Variants in DAB1 observed in about 807,000 individuals in gnomAD.
DAB1 encodes disabled homolog 1.
DAB1 carries 15 observed loss-of-function variants against 64.6 expected under a neutral mutation model. That is an observed-to-expected ratio of 0.23 (90% CI 0.16 to 0.36). The LOEUF (loss-of-function observed/expected upper bound fraction) is 0.36, where lower values mean the gene tolerates loss of function less well. Ranked by LOEUF, DAB1 falls within the 10% of genes least tolerant of loss-of-function variation. The pLI, the probability that DAB1 is intolerant of heterozygous loss-of-function variation, is 1.00. For missense variants in DAB1, 596 were observed against 706.7 expected, an observed-to-expected ratio of 0.84 and a Z score of 1.78; for synonymous variants, 235 against 251.9, an observed-to-expected ratio of 0.93 and a Z score of 0.64.
chr1:57,113,010 G>A (rs1655802170), intron 4 of DAB1, among the ~76,000 whole-genome samples: 1 of 152,154 alleles, frequency 6.6e-6, no homozygotes, highest in Admixed American at 6.5e-5. Context: ...CAGGCAAGAG[G>A]AACATACCAC....
chr1:58,351,344 C>T (rs919497895), intron 3 of DAB1, among the ~76,000 whole-genome samples: 15 of 151,996 alleles, frequency 9.9e-5, no homozygotes, highest in East Asian at 5.8e-4. Context: ...TGAAACAGCC[C>T]GGAAAGATCA....
chr1:57,152,403 C>T (rs1202054042), intron 2 of DAB1, among the ~76,000 whole-genome samples: 1 of 152,222 alleles, frequency 6.6e-6, no homozygotes, highest in East Asian at 1.9e-4. Flanking sequence ...CAAGGCTCTT[C>T]AAGTAATCCG....
intron 5 of DAB1, among the ~76,000 whole-genome samples, chr1:58,036,303 C>T (rs747284495): frequency 1.3e-5 from 2 of 152,192 alleles, no homozygotes; most frequent in African/African-American, 4.8e-5. Context: ...AGGTTAACAA[C>T]TTGCCCAAGG....
At chr1:57,292,582 G>A (rs1174933798) in intron 1 of DAB1, among the ~76,000 whole-genome samples, 2 of 152,014 alleles carry the variant, frequency 1.3e-5, no homozygotes, top group Non-Finnish European at 2.9e-5. Flanking sequence ...ACGTTCAATG[G>A]GAGATGGCAG....
intron 7 of DAB1, among the ~76,000 whole-genome samples, chr1:57,644,672 A>AAT (rs887632415): frequency 2.7e-5 from 4 of 150,722 alleles, no homozygotes; most frequent in Admixed American, 6.6e-5. Flanking sequence ...TACATTATAT[A>AAT]ATATATATAT....
At chr1:57,658,971 A>G (rs1646351518) in intron 6 of DAB1, among the ~76,000 whole-genome samples, 1 of 152,144 alleles carries the variant, frequency 6.6e-6, no homozygotes, top group Non-Finnish European at 1.5e-5. Flanking sequence ...CATTTTAGGA[A>G]CCTTACTTCT....
chr1:58,018,951 G>A (rs1486698470), intron 5 of DAB1, among the ~76,000 whole-genome samples: 1 of 152,176 alleles, frequency 6.6e-6, no homozygotes, highest in Non-Finnish European at 1.5e-5. Flanking sequence ...TCATTCTCAG[G>A]AGAGGCAATG....
chr1:58,164,181 G>A (rs1655693435), intron 4 of DAB1, among the ~76,000 whole-genome samples: 1 of 133,372 alleles, frequency 7.5e-6, no homozygotes, highest in Non-Finnish European at 1.5e-5. Context: ...ACTCAAGAGA[G>A]CTCAGCTTAA....
At chr1:57,268,924 C>A (rs1175209993) in intron 2 of DAB1, among the ~76,000 whole-genome samples, 1 of 152,116 alleles carries the variant, frequency 6.6e-6, no homozygotes, top group Non-Finnish European at 1.5e-5. Context: ...CAAGGATTAG[C>A]AAGAGCAGGA....
chr1:57,639,709 G>C (rs1281511161), intron 7 of DAB1, among the ~76,000 whole-genome samples: 1 of 152,120 alleles, frequency 6.6e-6, no homozygotes, highest in Admixed American at 6.5e-5. Context: ...GTGTCTTCTT[G>C]TGAAAGAGAT....
rs570686222 is a variant in DAB1 at position 58,223,894 on chromosome 1, A to T, written n.310-73306T>A. 3.3e-5 allele frequency among the ~76,000 whole-genome samples: 5 copies of T among 152,348 alleles called. No individual in the cohort carries two copies. The South Asian group carries it at 8.3e-4, about 25-fold the overall frequency. On this transcript the variant is annotated intron_variant and non_coding_transcript_variant, in intron 4 of 20. Coordinates refer to the DAB1 transcript ENST00000485760. Reference sequence around the variant, plus strand: ...ATTTTCTGCTGGGTTGGATGTGTGAAAAAGAAGCCAAATACATATATTTTT... The same window carrying T: ...ATTTTCTGCTGGGTTGGATGTGTGATAAAGAAGCCAAATACATATATTTTT...
intron 2 of DAB1, among the ~76,000 whole-genome samples, chr1:57,251,641 G>A (rs1669349701): frequency 6.6e-6 from 1 of 151,966 alleles, no homozygotes; most frequent in East Asian, 1.9e-4. Context: ...CTCATTTCAG[G>A]ACTTTTATCA....
chr1:57,659,151 A>T (rs1646354536), intron 6 of DAB1, among the ~76,000 whole-genome samples: 1 of 152,156 alleles, frequency 6.6e-6, no homozygotes, highest in South Asian at 2.1e-4. Flanking sequence ...TACCACATGT[A>T]TCTGATGGCT....
chr1:57,977,405 T>C (rs1557590624), intron 5 of DAB1, among the ~76,000 whole-genome samples: 1 of 152,184 alleles, frequency 6.6e-6, no homozygotes. Flanking sequence ...ATAGACTGAC[T>C]TCATTTGTTT....
chr1:57,094,581 C>T (rs576660453), intron 4 of DAB1, among the ~76,000 whole-genome samples: 1 of 152,326 alleles, frequency 6.6e-6, no homozygotes, highest in Admixed American at 6.5e-5. Flanking sequence ...TTCTAAATTA[C>T]AATTACACAT....
intron 9 of DAB1, among the ~76,000 whole-genome samples, chr1:57,045,113 A>G (rs1648293466): frequency 6.6e-6 from 1 of 152,244 alleles, no homozygotes; most frequent in Non-Finnish European, 1.5e-5. Context: ...GTATGTGCCC[A>G]TAACAATTAT....
At chr1:57,997,756 C>T (rs1646447971) in intron 5 of DAB1, among the ~76,000 whole-genome samples, 1 of 151,950 alleles carries the variant, frequency 6.6e-6, no homozygotes. Flanking sequence ...CTGACCAAAT[C>T]CAGAATCAGA....
chr1:58,526,187 A>G (rs921613140), intron 2 of DAB1, among the ~76,000 whole-genome samples: 3 of 152,116 alleles, frequency 2.0e-5, no homozygotes, highest in African/African-American at 7.2e-5. Context: ...TTCTTAATAC[A>G]GCCAATCTGT....
At chr1:57,592,395 C>A (rs1249089755) in intron 7 of DAB1, among the ~76,000 whole-genome samples, 1 of 152,020 alleles carries the variant, frequency 6.6e-6, no homozygotes, top group Non-Finnish European at 1.5e-5. Context: ...AGTCAGGTGA[C>A]TGTGCAGGGT....
Sources: allele counts gnomAD v4.1 joint callset (sites outside exome capture counted in the v4.1 genomes callset), GRCh38; gene constraint gnomAD v4.1.1; transcripts MANE v1.5; gene names NCBI Gene and HGNC (gene_info 2026-07-23, HGNC 2026-07-21).